Variants in CDH24 observed in about 807,000 individuals in gnomAD.
The protein encoded by CDH24 is cadherin-24.
A neutral mutation model predicts 71.2 loss-of-function variants in CDH24; 61 were observed. The ratio of observed to expected loss-of-function variants is 0.86; its 90% CI spans 0.70 to 1.06. The LOEUF (loss-of-function observed/expected upper bound fraction) is 1.06. Ranked by LOEUF, CDH24 falls within the 50% of genes least tolerant of loss-of-function variation. CDH24 has a pLI of 0.00. For synonymous variants in CDH24, 440 were observed against 470.2 expected, an observed-to-expected ratio of 0.94 and a Z score of 0.83; for missense variants, 961 against 1,083.7, an observed-to-expected ratio of 0.89 and a Z score of 1.59.
rs574043718 is a variant in CDH24 at position 23,056,044 on chromosome 14, C to A, written c.-124-187G>T. On this transcript the variant is annotated intron_variant, in intron 1 of 12. Coordinates refer to ENST00000487137, the MANE Select transcript of CDH24 (RefSeq NM_144985.4). ...CTGCATGTATTCACCTCCAGCCCTCCAAGCTGATAAATCTCTGGTCAGTCA... is the reference window on the plus strand; with the variant it reads ...CTGCATGTATTCACCTCCAGCCCTCAAAGCTGATAAATCTCTGGTCAGTCA... Among the ~76,000 whole-genome samples the A allele has an allele frequency of 2.4e-4, 36 of 152,302 alleles. 1 individual carries two copies. The highest frequency in any genetic ancestry group is 6.8e-3 in the Middle Eastern group (2 of 294).
intron 8 of CDH24, among the ~76,000 whole-genome samples, chr14:23,050,532 C>CACACAT (rs1491021933): frequency 2.1e-5 from 3 of 141,242 alleles, no homozygotes; most frequent in African/African-American, 7.6e-5. Context: ...CACACACACA[C>CACACAT]ATCCCATCAG....
In CDH24 at chr14:23,055,694, C is replaced by T. The variant is rs762007360; in HGVS notation, c.40G>A (p.Gly14Ser). 34 of 1,598,792 alleles carry T rather than the reference C, an allele frequency of 2.1e-5. No homozygotes were observed. The South Asian group carries it at 3.6e-4, about 17-fold the overall frequency. The change falls in exon 2 of 13, where the codon GGC becomes AGC. Residue 14 changes from glycine to serine, a missense_variant. Physicochemically the swap from Gly to Ser is moderately conservative, Grantham distance 56. Around this residue, in one of 2 missense-constraint regions of CDH24, gnomAD observed 671 missense variants for 810.9 expected, o/e 0.83. Transcript: ENST00000487137. The surrounding 1 kb of genome is among the most constrained non-coding windows in gnomAD (Gnocchi z 4.1). ...GCCAGACGCCCCATGCAGCCCCAGC[C>T]ACCCAGCCAGGCCAGCAGGAGCCTC... ...LVRLLLAWLG[G>S]WGCMGRLAAP...
In CDH24 at chr14:23,050,947, G is replaced by A. The variant is rs567845196; in HGVS notation, c.1364-1004C>T. On this transcript the variant is annotated intron_variant, in intron 8 of 12. Transcript: ENST00000487137. ...GGGAGGAGGTCTACTTCTTCCCTGC[G>A]GTAAGGGCCCAGCACTGCTAGGTGA... Among the ~76,000 whole-genome samples, 137 of 152,194 alleles carry A rather than the reference G, an allele frequency of 9.0e-4. 1 individual carries two copies. Among genetic ancestry groups the A allele is most frequent in the African/African-American group, 3.0e-3 (126 of 41,518 alleles).
intron 8 of CDH24, 110 bp downstream of exon 8, chr14:23,052,363 G>C: frequency 8.4e-7 from 1 of 1,188,946 alleles, no homozygotes; most frequent in Non-Finnish European, 1.2e-6. Context: ...CTCAGTGGCC[G>C]CACGCTGGTG....
rs375056197 is a variant in CDH24 at position 23,055,075 on chromosome 14, G to A, written c.480C>T (p.Pro160=). ...FPLGPYHATV[P]EMSNVGTSVI... The stretch of plus-strand genomic sequence containing the variant: ...GGTGCTCACCGACATTGGACATCTC[G>A]GGCACGGTGGCATGGTAGGGCCCAA... The change falls in exon 3 of 13, where the codon CCC becomes CCT. Residue 160 remains proline, a synonymous_variant. Transcript: ENST00000487137. The surrounding 1 kb of genome is among the most constrained non-coding windows in gnomAD (Gnocchi z 4.1). 6.3e-5 allele frequency: 102 copies of A among 1,611,556 alleles called. 2 individuals carry two copies. The highest frequency in any genetic ancestry group is 5.4e-4 in the South Asian group (49 of 91,026).
In CDH24 at chr14:23,055,911, G is replaced by A. The variant is rs572042797; in HGVS notation, c.-124-54C>T. On this transcript the variant is annotated intron_variant, in intron 1 of 12. Coordinates refer to ENST00000487137, the MANE Select transcript of CDH24 (RefSeq NM_144985.4). The surrounding 1 kb of genome is among the most constrained non-coding windows in gnomAD (Gnocchi z 4.1). The stretch of plus-strand genomic sequence containing the variant: ...AGGAAACCCCTAGCCCTCCTCCCCC[G>A]CAAAATTAGATGCTGAAGACCAGAC... 804 of 580,682 alleles carry A rather than the reference G, an allele frequency of 1.4e-3. 3 individuals are homozygous for A. Among genetic ancestry groups the A allele is most frequent in the Non-Finnish European group, 2.9e-4 (97 of 329,028 alleles). 36.0% of individuals were successfully genotyped at this position (580,682 alleles called of 1,614,324 possible). A position where few individuals can be genotyped will look rare whatever the true frequency, so the allele number is the denominator to read the frequency against.
At position 23,055,736 on chromosome 14, in the gene CDH24, T is replaced by C. The variant is rs549862969; in HGVS notation, c.-3A>G. ...AGGAGCCTCACCAGGCCCCACATGT[T>C]TGGACTCCAGCCAGGGCTCTGTTCA... On this transcript the variant is annotated 5_prime_UTR_variant, in exon 2 of 13. Coordinates refer to ENST00000487137, the MANE Select transcript of CDH24 (RefSeq NM_144985.4). The surrounding 1 kb of genome is among the most constrained non-coding windows in gnomAD (Gnocchi z 4.1). The C allele has an allele frequency of 4.5e-6, 7 of 1,571,924 alleles. No homozygotes were observed. The highest frequency in any genetic ancestry group is 2.0e-5 in the Admixed American group (1 of 49,026).
In CDH24 at chr14:23,048,021, G is replaced by C. The variant is rs1423327761; in HGVS notation, c.2305C>G (p.Leu769Val). 12 of 1,444,902 alleles carry C rather than the reference G, an allele frequency of 8.3e-6. No individual in the cohort carries two copies. Among genetic ancestry groups the C allele is most frequent in the South Asian group, 1.3e-5 (1 of 75,654 alleles). 89.5% of individuals were successfully genotyped at this position (1,444,902 alleles called of 1,614,324 possible). ...TCCTTGGCCCCATACAGCTCGGCCAGGGTGCGGAAGAGCGGACCCCAGTCG... is the reference window on the plus strand; with the variant it reads ...TCCTTGGCCCCATACAGCTCGGCCACGGTGCGGAAGAGCGGACCCCAGTCG... ...LDDWGPLFRT[L>V]AELYGAKEPP... Residue 769 changes from leucine (L) to valine (V), a missense_variant, in exon 12 of 13, where the codon CTG becomes GTG. By Grantham distance (32) the Leu-to-Val change is conservative. Coordinates refer to ENST00000487137, the MANE Select transcript of CDH24 (RefSeq NM_144985.4).
chr14:23,054,438 G>C lies in CDH24; in HGVS notation c.784+68C>G, dbSNP rs2047109402. 1.9e-5 allele frequency: 29 copies of C among 1,565,962 alleles called. No individual in the cohort carries two copies. Among genetic ancestry groups the C allele is most frequent in the Non-Finnish European group, 2.3e-5 (27 of 1,152,440 alleles). On this transcript the variant is annotated intron_variant, in intron 5 of 12. Coordinates refer to ENST00000487137, the MANE Select transcript of CDH24 (RefSeq NM_144985.4). This position sits in a 1 kb window ranked among gnomAD's most constrained non-coding sequence, Gnocchi z 5.2. ...GGCTGGGGAGGAGGCGAGGAGGGAA[G>C]GTTTCTCCAGACACTGTAGGGGTGG... is the stretch of plus-strand genomic sequence containing the variant.
Position 23,051,956 on chromosome 14 carries a change from G to A in CDH24, c.1363+517C>T. 2 of 1,464,108 alleles carry A rather than the reference G, an allele frequency of 1.4e-6. No homozygotes were observed. Among genetic ancestry groups the A allele is most frequent in the Non-Finnish European group, 1.9e-6 (2 of 1,071,056 alleles). 90.7% of individuals were successfully genotyped at this position (1,464,108 alleles called of 1,614,324 possible). ...TGGCACTCCTCCCCTTCCTTATGGTGTCCACTCCCCTACCTTGGGGGATTC... is the reference window on the plus strand; with the variant it reads ...TGGCACTCCTCCCCTTCCTTATGGTATCCACTCCCCTACCTTGGGGGATTC... On this transcript the variant is annotated intron_variant, in intron 8 of 12. Coordinates refer to ENST00000487137, the MANE Select transcript of CDH24 (RefSeq NM_144985.4). This position sits in a 1 kb window ranked among gnomAD's most constrained non-coding sequence, Gnocchi z 4.4.
chr14:23,049,754 G>A lies in CDH24; in HGVS notation c.1486-16C>T, dbSNP rs1407614317. 1 of 1,611,676 alleles carries A rather than the reference G, an allele frequency of 6.2e-7. No homozygotes were observed. Among genetic ancestry groups the A allele is most frequent in the Non-Finnish European group, 8.5e-7 (1 of 1,178,318 alleles). ...CCTGAATCAGCTGGGAGGAAGAAGA[G>A]AGAGGCCTTGTATGGAGTGGGCTGC... On this transcript the variant is annotated splice_polypyrimidine_tract_variant and intron_variant, in intron 9 of 12. Coordinates refer to ENST00000487137, the MANE Select transcript of CDH24 (RefSeq NM_144985.4).
rs2047056116 is a variant in CDH24, at chr14:23,048,163, CG to C, written c.2162del (p.Pro721ArgfsTer82). 7.4e-7 allele frequency: 1 copy of C among 1,359,194 alleles called. No homozygotes were observed. The highest frequency in any genetic ancestry group is 9.5e-7 in the Non-Finnish European group (1 of 1,053,172). 84.2% of individuals were successfully genotyped at this position (1,359,194 alleles called of 1,614,324 possible). Reference sequence around the variant, plus strand: ...AGCCGTACACCTGCACCGAGTCGTACGGGGGTACGCCGGGGTCCTCGTCCGC... The same window carrying C: ...AGCCGTACACCTGCACCGAGTCGTACGGGGTACGCCGGGGTCCTCGTCCGC... Reference protein sequence around the residue: ...READEDPGVPPYDSVQVYGYE... With the variant: ...READEDPGVPXYDSVQVYGYE... On this transcript the variant is annotated frameshift_variant, in exon 12 of 13. Coordinates refer to ENST00000487137, the MANE Select transcript of CDH24 (RefSeq NM_144985.4). LOFTEE classifies it high-confidence loss of function.
At chr14:23,052,233 G>A (rs1594725030) in intron 8 of CDH24, 2 of 719,488 alleles carry the variant, frequency 2.8e-6, no homozygotes, top group East Asian at 2.7e-5. Context: ...TGCCCACCCA[G>A]CCCAGCCTAG....
chr14:23,053,941 G>T (rs1046214615), intron 6 of CDH24, among the ~76,000 whole-genome samples, 192 bp from the exon 7 acceptor site: 8 of 152,166 alleles, frequency 5.3e-5, no homozygotes, highest in Non-Finnish European at 1.2e-4. Flanking sequence ...CTCTAGGTCT[G>T]CCCCTAGCTC....
At position 23,054,645 on chromosome 14, in the gene CDH24, C is replaced by T; in HGVS notation, c.645G>A (p.Met215Ile). The T allele has an allele frequency of 6.2e-7, 1 of 1,614,096 alleles. No homozygotes were observed. Among genetic ancestry groups the T allele is most frequent in the African/African-American group, 1.3e-5 (1 of 75,006 alleles). The change falls in exon 5 of 13, where the codon ATG becomes ATA. Residue 215 changes from methionine to isoleucine, a missense_variant. Transcript: ENST00000487137. The surrounding 1 kb of genome is among the most constrained non-coding windows in gnomAD (Gnocchi z 5.2). ...AGAACTCCTCCTGTGTCTCCCGGTCCATGTTGGGGATGGCTGTACGCACCA... is the reference window on the plus strand; with the variant it reads ...AGAACTCCTCCTGTGTCTCCCGGTCTATGTTGGGGATGGCTGTACGCACCA... Reference protein sequence around the residue: ...TGVVRTAIPNMDRETQEEFLV... With the variant: ...TGVVRTAIPNIDRETQEEFLV...
At position 23,052,252 on chromosome 14, in the gene CDH24, G is replaced by A. The variant is rs2047089979; in HGVS notation, c.1363+221C>T. ...CACCCAGCCCAGCCTAGGGGACTAG[G>A]AGACCAGGAGGCCCGCCCTGCCTGG... On this transcript the variant is annotated intron_variant, in intron 8 of 12. Transcript: ENST00000487137. 4 of 715,888 alleles carry A rather than the reference G, an allele frequency of 5.6e-6. No individual in the cohort carries two copies. The East Asian group carries it at 1.1e-4, about 19-fold the overall frequency. 44.3% of individuals were successfully genotyped at this position (715,888 alleles called of 1,614,324 possible).
In CDH24 at chr14:23,051,205, C is replaced by T. The variant is rs573851777; in HGVS notation, c.1364-1262G>A. Among the ~76,000 whole-genome samples the T allele has an allele frequency of 6.6e-6, 1 of 152,244 alleles. No individual in the cohort carries two copies. The highest frequency in any genetic ancestry group is 2.1e-4 in the South Asian group (1 of 4,818). ...CAGTTGCATGTATAGAAACATAAAC[C>T]TAGACACATAGCATTAAACACATTT... On this transcript the variant is annotated intron_variant, in intron 8 of 12. Coordinates refer to ENST00000487137, the MANE Select transcript of CDH24 (RefSeq NM_144985.4). This position sits in a 1 kb window ranked among gnomAD's most constrained non-coding sequence, Gnocchi z 4.4.
At chr14:23,048,859 G>T (rs8006527) in intron 11 of CDH24, among the ~76,000 whole-genome samples, 168 bp downstream of exon 11, 63,374 of 152,016 alleles carry the variant, frequency 0.42, 13,613 homozygotes, top group African/African-American at 0.49. Context: ...GGCAGGTCAC[G>T]GATAGAGGCC....
At chr14:23,052,194 G>A in intron 8 of CDH24, 2 of 760,130 alleles carry the variant, frequency 2.6e-6, no homozygotes, top group Admixed American at 4.3e-5. Context: ...TGACTTGAGG[G>A]TCAGGAGAAT....
Sources: allele counts gnomAD v4.1 joint callset (sites outside exome capture counted in the v4.1 genomes callset), GRCh38; gene constraint gnomAD v4.1.1; regional missense constraint gnomAD v4.1.1; non-coding constraint Gnocchi (gnomAD v3.1); transcripts MANE v1.5; gene names NCBI Gene and HGNC (gene_info 2026-07-23, HGNC 2026-07-21).